The following DLGAP1 variants were observed in gnomAD, a reference collection of about 807,000 sequenced individuals.
DLGAP1 encodes the protein disks large-associated protein 1.
Under a neutral mutation model 90.8 loss-of-function variants are expected in DLGAP1, and 11 were observed. That is an observed-to-expected ratio of 0.12 (90% CI 0.08 to 0.20). The LOEUF (loss-of-function observed/expected upper bound fraction) is 0.20. DLGAP1 is among the 10% of genes least tolerant of loss of function. The pLI is 1.00. For missense variants in DLGAP1, 1,050 were observed against 1,333.8 expected (o/e 0.79, Z 3.31); for synonymous variants, 558 against 540.7 (o/e 1.03, Z -0.44).
intron 4 of DLGAP1, among the ~76,000 whole-genome samples, chr18:3,861,770 ATGTTC>A (rs2070077460): frequency 6.6e-6 from 1 of 152,240 alleles, no homozygotes; most frequent in African/African-American, 2.4e-5. Context: ...AACCCTGCTG[ATGTTC>A]CAATCCTAAA....
chr18:3,725,899 C>T (rs1006277326), intron 7 of DLGAP1, among the ~76,000 whole-genome samples: 2 of 152,182 alleles, frequency 1.3e-5, no homozygotes, highest in African/African-American at 4.8e-5. Context: ...TCTCTTGTGG[C>T]ATCAGACTCT....
At chr18:3,641,880 A>C (rs552495764) in intron 7 of DLGAP1, among the ~76,000 whole-genome samples, 41 of 152,296 alleles carry the variant, frequency 2.7e-4, no homozygotes, top group Non-Finnish European at 4.4e-4. Flanking sequence ...GCTCTAAACC[A>C]TGAACAGAAA....
At chr18:3,692,544 T>C (rs1340552696) in intron 7 of DLGAP1, among the ~76,000 whole-genome samples, 2 of 152,228 alleles carry the variant, frequency 1.3e-5, no homozygotes, top group African/African-American at 4.8e-5. Context: ...TCAATACCTC[T>C]TCCCATTTAT....
intron 2 of DLGAP1, among the ~76,000 whole-genome samples, chr18:4,133,011 T>C (rs2076341952): frequency 6.6e-6 from 1 of 152,148 alleles, no homozygotes; most frequent in Non-Finnish European, 1.5e-5. Flanking sequence ...GAGACTTACT[T>C]TCTTCATCTT....
chr18:4,210,994 T>C (rs1223560979), intron 1 of DLGAP1, among the ~76,000 whole-genome samples: 2 of 152,170 alleles, frequency 1.3e-5, no homozygotes, highest in African/African-American at 4.8e-5. Flanking sequence ...GGCAAAATAA[T>C]TACCCATAAG....
intron 3 of DLGAP1, among the ~76,000 whole-genome samples, chr18:3,950,663 T>C (rs2072968028): frequency 6.6e-6 from 1 of 152,240 alleles, no homozygotes; most frequent in African/African-American, 2.4e-5. Context: ...TCAGAAGTGG[T>C]GATGGCACTG....
intron 7 of DLGAP1, among the ~76,000 whole-genome samples, chr18:3,685,599 AC>A (rs2060675400): frequency 7.0e-6 from 1 of 142,596 alleles, no homozygotes. Flanking sequence ...AAATCCAGAG[AC>A]GGTACCCTTT....
At chr18:4,258,017 G>A (rs866509274) in intron 1 of DLGAP1, among the ~76,000 whole-genome samples, 59 of 151,306 alleles carry the variant, frequency 3.9e-4, no homozygotes, top group African/African-American at 1.3e-3. Flanking sequence ...GTGTGCGCGC[G>A]CGCGCGTATA....
intron 2 of DLGAP1, among the ~76,000 whole-genome samples, chr18:4,093,603 A>T (rs1306154526): frequency 6.6e-6 from 1 of 151,982 alleles, no homozygotes; most frequent in East Asian, 1.9e-4. Flanking sequence ...AAGGTCTTTG[A>T]TATACTTCTC....
chr18:4,201,699 A>G (rs34881123), intron 1 of DLGAP1, among the ~76,000 whole-genome samples: 20,376 of 152,140 alleles, frequency 0.13, 1,706 homozygotes, highest in South Asian at 0.33. Flanking sequence ...AGATTATACA[A>G]ATGGCCAAAA....
intron 1 of DLGAP1, among the ~76,000 whole-genome samples, chr18:4,230,638 G>A (rs1363641398): frequency 6.7e-6 from 1 of 150,350 alleles, no homozygotes; most frequent in Non-Finnish European, 1.5e-5. Context: ...GCTGGGAAGT[G>A]GAAGGTGGGG....
At chr18:3,741,719 C>G (rs1473814174) in intron 6 of DLGAP1, among the ~76,000 whole-genome samples, 2 of 152,222 alleles carry the variant, frequency 1.3e-5, no homozygotes, top group African/African-American at 4.8e-5. Context: ...TCCAAACTAG[C>G]CTCTCTGCTT....
chr18:3,852,665 T>G (rs1267352577), intron 4 of DLGAP1, among the ~76,000 whole-genome samples: 1 of 152,180 alleles, frequency 6.6e-6, no homozygotes, highest in Non-Finnish European at 1.5e-5. Flanking sequence ...TTTTTTCTAT[T>G]CCCAATTTGT....
intron 4 of DLGAP1, among the ~76,000 whole-genome samples, chr18:3,864,518 G>A (rs976417298): frequency 6.6e-6 from 1 of 152,112 alleles, no homozygotes; most frequent in Non-Finnish European, 1.5e-5. Flanking sequence ...AAACAAAGAG[G>A]GGAGAGAATT....
chr18:4,302,661 G>A (rs74669141), intron 1 of DLGAP1, among the ~76,000 whole-genome samples: 2,698 of 152,162 alleles, frequency 0.018, 92 homozygotes, highest in African/African-American at 0.062. Context: ...GATACATCCA[G>A]CTTTGTTCTT....
chr18:4,045,129 AAC>A (rs574945607), intron 2 of DLGAP1, among the ~76,000 whole-genome samples: 280 of 152,178 alleles, frequency 1.8e-3, no homozygotes, highest in African/African-American at 6.4e-3. Flanking sequence ...TCTAATGGGC[AAC>A]AGTCCTCCAC....
intron 3 of DLGAP1, chr18:3,977,884 T>C: frequency 2.6e-6 from 1 of 378,420 alleles, no homozygotes; most frequent in South Asian, 2.1e-5. Flanking sequence ...CCTGATGTCA[T>C]CATATCTGGC....
At chr18:3,819,337 GAAAT>G (rs1158299726) in intron 4 of DLGAP1, among the ~76,000 whole-genome samples, 3 of 151,962 alleles carry the variant, frequency 2.0e-5, no homozygotes, top group African/African-American at 7.3e-5. Flanking sequence ...CACTAAGAAA[GAAAT>G]AAACATCATC....
At chr18:4,430,535 TG>T (rs2083266501) in intron 1 of DLGAP1, 1 of 153,064 alleles carries the variant, frequency 6.5e-6, no homozygotes, top group African/African-American at 2.4e-5. Context: ...TGTGTGTGTG[TG>T]TGTGTCTGTG....
Sources: allele counts gnomAD v4.1 joint callset (sites outside exome capture counted in the v4.1 genomes callset), GRCh38; gene constraint gnomAD v4.1.1; transcripts MANE v1.5; gene names NCBI Gene and HGNC (gene_info 2026-07-23, HGNC 2026-07-21).